STRBP: variants seen among roughly 807,000 people sequenced by gnomAD.
STRBP encodes the protein spermatid perinuclear RNA-binding protein.
A neutral mutation model predicts 80.1 loss-of-function variants in STRBP; 13 were observed. That is an observed-to-expected ratio of 0.16 (90% CI 0.11 to 0.26). The LOEUF (loss-of-function observed/expected upper bound fraction) is 0.26. Ranked by LOEUF, STRBP falls within the 10% of genes least tolerant of loss-of-function variation. STRBP has a pLI of 1.00. For missense variants in STRBP, 485 were observed against 815.2 expected, an observed-to-expected ratio of 0.59 and a Z score of 4.93; for synonymous variants, 284 against 291.2, an observed-to-expected ratio of 0.98 and a Z score of 0.25.
At chr9:123,129,435 C>T (rs887316586) in intron 17 of STRBP, among the ~76,000 whole-genome samples, 1 of 152,156 alleles carries the variant, frequency 6.6e-6, no homozygotes, top group African/African-American at 2.4e-5. Context: ...CACAAAATCA[C>T]CATGGCACTT....
intron 1 of STRBP, among the ~76,000 whole-genome samples, chr9:123,254,961 A>G (rs2040998062): frequency 6.6e-6 from 1 of 152,222 alleles, no homozygotes; most frequent in Admixed American, 6.5e-5. Flanking sequence ...CAACAAACTC[A>G]TCATGTCTTT....
intron 3 of STRBP, among the ~76,000 whole-genome samples, chr9:123,181,951 C>T (rs1173305507): frequency 6.6e-6 from 1 of 151,432 alleles, no homozygotes; most frequent in East Asian, 1.9e-4. Context: ...CACAGTGGCT[C>T]ACGCCTGTAA....
intron 8 of STRBP, 151 bp downstream of exon 8, chr9:123,160,216 A>G: frequency 2.1e-6 from 1 of 477,084 alleles, no homozygotes; most frequent in Non-Finnish European, 3.6e-6. Context: ...ATTCGCTTAA[A>G]AAGATGCTTT....
At chr9:123,259,450 T>C (rs1329960326) in intron 1 of STRBP, among the ~76,000 whole-genome samples, 2 of 152,146 alleles carry the variant, frequency 1.3e-5, no homozygotes, top group Non-Finnish European at 2.9e-5. Context: ...CTCACGCCTG[T>C]AATCCCAGCA....
chr9:123,206,907 G>GA (rs1383308133), intron 2 of STRBP, among the ~76,000 whole-genome samples: 3 of 152,128 alleles, frequency 2.0e-5, no homozygotes, highest in African/African-American at 7.2e-5. Flanking sequence ...CAAAGTGCTA[G>GA]AATTACAGGC....
rs1232266150 is a variant in STRBP, at chr9:123,159,207, G to C, written c.724C>G (p.Pro242Ala). The C allele has an allele frequency of 1.2e-6, 2 of 1,602,748 alleles. No homozygotes were observed. Among genetic ancestry groups the C allele is most frequent in the African/African-American group, 2.7e-5 (2 of 74,644 alleles). Residue 242 changes from proline to alanine, a missense_variant and splice_region_variant, in exon 9 of 19, where the codon CCA becomes GCA. Physicochemically the swap from Pro to Ala is conservative, Grantham distance 27 (BLOSUM62 -1). Transcript: ENST00000348403. ...GACTTTTCACATATAAGTTCTAGTG[G>C]CTAGAAGATATTAAATTACAAATTA... ...VPTWAPLKGW[P>A]LELICEKSIG... is the part of the protein sequence containing the mutation.
chr9:123,169,819 C>A, intron 6 of STRBP, 83 bp downstream of exon 6: 1 of 841,340 alleles, frequency 1.2e-6, no homozygotes, highest in Non-Finnish European at 1.6e-6. Context: ...ATCCATAAAA[C>A]ATTGTTAACA....
At position 123,182,561 on chromosome 9, in the gene STRBP, AT is replaced by A. The variant is rs1219163770; in HGVS notation, c.3+1570del. Among the ~76,000 whole-genome samples, 2 of 152,214 alleles carry A rather than the reference AT, an allele frequency of 1.3e-5. 1 individual carries two copies. On this transcript the variant is annotated intron_variant, in intron 3 of 18. Coordinates refer to ENST00000348403, the MANE Select transcript of STRBP (RefSeq NM_018387.5). ...AAAAGAATCAGTGTGGTTTTTTCAC[AT>A]TTCACCACATAACTAAAATGACAGG... is the stretch of plus-strand genomic sequence containing the variant.
chr9:123,267,823 C>T (rs2041306003), intron 1 of STRBP, among the ~76,000 whole-genome samples: 1 of 150,540 alleles, frequency 6.6e-6, no homozygotes, highest in Non-Finnish European at 1.5e-5. Flanking sequence ...CCACTCGTCC[C>T]TGCCCTCCCC....
chr9:123,163,514 C>A (rs1170399973), intron 6 of STRBP, among the ~76,000 whole-genome samples: 1 of 152,140 alleles, frequency 6.6e-6, no homozygotes, highest in African/African-American at 2.4e-5. Flanking sequence ...TTTCTTCATG[C>A]TCTGATAGTC....
At chr9:123,112,260 C>T (rs1436136917) in intron 3 of STRBP, 1 of 167,216 alleles carries the variant, frequency 6.0e-6, no homozygotes, top group Non-Finnish European at 1.5e-5. Flanking sequence ...AGCTGGCCAC[C>T]ACCTCCCAGC....
Position 123,121,968 on chromosome 9 carries a change from C to T in STRBP, c.*3629G>A, listed in dbSNP as rs1158441996. The T allele has an allele frequency of 1.7e-5, 3 of 177,380 alleles. No homozygotes were observed. The highest frequency in any genetic ancestry group is 7.2e-5 in the African/African-American group (3 of 41,682). The allele number at this position is 177,380 out of a possible 1,614,324, so 11.0% of individuals were successfully genotyped here. A position where few individuals can be genotyped will look rare whatever the true frequency, so the allele number is the denominator to read the frequency against. On this transcript the variant is annotated 3_prime_UTR_variant, in exon 19 of 19. Coordinates refer to ENST00000348403, the MANE Select transcript of STRBP (RefSeq NM_018387.5). ...GTTTCTACACACACACACACACACA[C>T]ACACACTTAGTGTAAGTGAAATGTC...
intron 6 of STRBP, among the ~76,000 whole-genome samples, chr9:123,165,320 A>G (rs2037709670): frequency 6.6e-6 from 1 of 151,824 alleles, no homozygotes; most frequent in South Asian, 2.1e-4. Context: ...GATAACGTAG[A>G]TCCAGAAACT....
chr9:123,233,815 ACT>A (rs983361006), intron 2 of STRBP, among the ~76,000 whole-genome samples: 32 of 152,182 alleles, frequency 2.1e-4, no homozygotes, highest in African/African-American at 7.5e-4. Context: ...ATAATAGGTG[ACT>A]CTCCTTTCAT....
At chr9:123,182,363 A>G (rs918778339) in intron 3 of STRBP, among the ~76,000 whole-genome samples, 9 of 152,094 alleles carry the variant, frequency 5.9e-5, no homozygotes, top group Admixed American at 1.3e-4. Flanking sequence ...TAAATTATAT[A>G]AAAACACAAA....
At chr9:123,217,952 G>A (rs2039948564) in intron 2 of STRBP, among the ~76,000 whole-genome samples, 1 of 152,188 alleles carries the variant, frequency 6.6e-6, no homozygotes, top group African/African-American at 2.4e-5. Flanking sequence ...AATTTTAACA[G>A]ACAAGGCAGT....
chr9:123,241,388 G>A (rs1449837511), intron 1 of STRBP, among the ~76,000 whole-genome samples: 1 of 151,170 alleles, frequency 6.6e-6, no homozygotes, highest in Non-Finnish European at 1.5e-5. Context: ...GCACGCCTAC[G>A]ATCCCAGCTA....
intron 2 of STRBP, among the ~76,000 whole-genome samples, chr9:123,199,099 C>G (rs1305502405): frequency 6.6e-6 from 1 of 152,172 alleles, no homozygotes; most frequent in African/African-American, 2.4e-5. Context: ...CACGTGCCAC[C>G]ACATCCGGCT....
At chr9:123,140,561 T>G (rs974703128) in intron 13 of STRBP, among the ~76,000 whole-genome samples, 1 of 151,942 alleles carries the variant, frequency 6.6e-6, no homozygotes, top group Non-Finnish European at 1.5e-5. Flanking sequence ...GCCACTGCAC[T>G]CCAGCCTGGG....
Sources: gnomAD v4.1 joint callset for allele counts (sites outside exome capture counted in the v4.1 genomes callset) on GRCh38, gnomAD v4.1.1 for gene constraint, MANE v1.5 for transcripts, NCBI Gene and HGNC (gene_info 2026-07-23, HGNC 2026-07-21) for gene names.